Variants in ACBD3 observed in about 807,000 individuals in gnomAD.
The protein encoded by ACBD3 is Golgi resident protein GCP60.
ACBD3 carries 30 observed loss-of-function variants against 66.9 expected under a neutral mutation model. That is an observed-to-expected ratio of 0.45 (90% confidence interval 0.34 to 0.61). ACBD3 has a LOEUF of 0.61. Ranked by LOEUF, ACBD3 falls within the 20% of genes least tolerant of loss-of-function variation. The pLI is 0.02. For synonymous variants in ACBD3, 278 were observed against 259.8 expected, an observed-to-expected ratio of 1.07 and a Z score of -0.68; for missense variants, 544 against 664.5, an observed-to-expected ratio of 0.82 and a Z score of 1.99.
At chr1:226,150,021 A>G (rs551411737) in intron 7 of ACBD3, among the ~76,000 whole-genome samples, 2 of 151,526 alleles carry the variant, frequency 1.3e-5, no homozygotes, top group African/African-American at 4.8e-5. Context: ...AATCTGCTAC[A>G]GTCCTGCTCT....
In ACBD3 at chr1:226,186,693, C is replaced by T. The variant is rs958944117; in HGVS notation, c.-18G>A. The T allele has an allele frequency of 1.3e-5, 19 of 1,476,216 alleles. No homozygotes were observed. Among genetic ancestry groups the T allele is most frequent in the Non-Finnish European group, 1.6e-5 (18 of 1,118,986 alleles). The allele number at this position is 1,476,216 out of a possible 1,614,324, so 91.4% of individuals were successfully genotyped here. On this transcript the variant is annotated 5_prime_UTR_variant, in exon 1 of 8. Transcript: ENST00000366812. ...GCCGCCATCTCCGGCTGCTGCACCTCCTCAGCGGGGACAGACGGCAGCCAC... is the reference window on the plus strand; with the variant it reads ...GCCGCCATCTCCGGCTGCTGCACCTTCTCAGCGGGGACAGACGGCAGCCAC...
rs573016015 is a variant in ACBD3, at chr1:226,157,278, T to G, written c.903+1906A>C. Among the ~76,000 whole-genome samples, 27 of 152,114 alleles carry G rather than the reference T, an allele frequency of 1.8e-4. No individual in the cohort carries two copies. The South Asian group carries it at 2.1e-3, about 12-fold the overall frequency. The stretch of plus-strand genomic sequence containing the variant: ...TTTTGAGACGGAGTTTCTCTTTTGT[T>G]GCCCAGGCTGGAGTGCAATGGCACA... On this transcript the variant is annotated intron_variant, in intron 5 of 7. Coordinates refer to ENST00000366812, the MANE Select transcript of ACBD3 (RefSeq NM_022735.4).
chr1:226,172,221 C>A (rs1239006518), intron 1 of ACBD3, among the ~76,000 whole-genome samples: 1 of 148,708 alleles, frequency 6.7e-6, no homozygotes, highest in Admixed American at 6.7e-5. Flanking sequence ...GATTCGCTGA[C>A]CTCTGTGAAC....
chr1:226,160,965 C>T lies in ACBD3; in HGVS notation c.728+566G>A, dbSNP rs576477871. Among the ~76,000 whole-genome samples, 3 of 152,294 alleles carry T rather than the reference C, an allele frequency of 2.0e-5. No homozygotes were observed. In the South Asian group the frequency reaches 6.2e-4, roughly 32 times the overall value. Reference sequence around the variant, plus strand: ...GCATGGAAACATAGACCAAATAAATCCTCGGACAGCCTTGCATATGCCAAA... The same window carrying T: ...GCATGGAAACATAGACCAAATAAATTCTCGGACAGCCTTGCATATGCCAAA... On this transcript the variant is annotated intron_variant, in intron 4 of 7. Coordinates refer to ENST00000366812, the MANE Select transcript of ACBD3 (RefSeq NM_022735.4).
At chr1:226,149,527 A>ATTTTTTTTTTT (rs1558122597) in intron 7 of ACBD3, among the ~76,000 whole-genome samples, 5 of 34,180 alleles carry the variant, frequency 1.5e-4, no homozygotes, top group Admixed American at 3.9e-4. Flanking sequence ...GCGCCCAGCC[A>ATTTTTTTTTTT]TCTTTTTTTT....
At chr1:226,149,741 C>T (rs927059786) in intron 7 of ACBD3, among the ~76,000 whole-genome samples, 4 of 151,426 alleles carry the variant, frequency 2.6e-5, no homozygotes, top group African/African-American at 9.7e-5. Context: ...AGGGTTTCAT[C>T]ATGTTGCCCA....
chr1:226,145,927 T>C lies in ACBD3; in HGVS notation c.*683A>G, dbSNP rs1305845473. The C allele has an allele frequency of 6.6e-6, 1 of 152,440 alleles. No individual in the cohort carries two copies. The highest frequency in any genetic ancestry group is 1.5e-5 in the Non-Finnish European group (1 of 68,034). 9.4% of individuals were successfully genotyped at this position (152,440 alleles called of 1,614,324 possible). A position where few individuals can be genotyped will look rare whatever the true frequency, so the allele number is the denominator to read the frequency against. ...TACAAGGATTCAAAGTTTGTGGAAG[T>C]TCCTGAAGAAAAATCTCTGAGGTGT... On this transcript the variant is annotated 3_prime_UTR_variant, in exon 8 of 8. Coordinates refer to ENST00000366812, the MANE Select transcript of ACBD3 (RefSeq NM_022735.4).
intron 1 of ACBD3, among the ~76,000 whole-genome samples, chr1:226,181,075 G>C (rs1656160983): frequency 6.6e-6 from 1 of 151,508 alleles, no homozygotes; most frequent in African/African-American, 2.4e-5. Context: ...TTTTGGTTCA[G>C]CTCAAATTTA....
chr1:226,185,257 T>C (rs1474988271), intron 1 of ACBD3, among the ~76,000 whole-genome samples: 1 of 152,196 alleles, frequency 6.6e-6, no homozygotes, highest in Non-Finnish European at 1.5e-5. Flanking sequence ...TCATTGAATG[T>C]GAAATGATCA....
At chr1:226,147,963 C>T (rs894868808) in intron 7 of ACBD3, 5 of 152,144 alleles carry the variant, frequency 3.3e-5, no homozygotes, top group African/African-American at 1.2e-4. Context: ...GTTTAAGAGA[C>T]TGGGACTACA....
chr1:226,146,462 T>C lies in ACBD3; in HGVS notation c.*148A>G, dbSNP rs999058928. 1 of 690,568 alleles carries C rather than the reference T, an allele frequency of 1.4e-6. No homozygotes were observed. The highest frequency in any genetic ancestry group is 2.4e-6 in the Non-Finnish European group (1 of 419,510). 42.8% of individuals were successfully genotyped at this position (690,568 alleles called of 1,614,324 possible). On this transcript the variant is annotated 3_prime_UTR_variant, in exon 8 of 8. Coordinates refer to ENST00000366812, the MANE Select transcript of ACBD3 (RefSeq NM_022735.4). ...GAATGCTAAAGAGTCTCAAGGAAATTTTGATTCCCAGCAAGAGTTCACAAA... is the reference window on the plus strand; with the variant it reads ...GAATGCTAAAGAGTCTCAAGGAAATCTTGATTCCCAGCAAGAGTTCACAAA...
chr1:226,161,792 G>T, intron 3 of ACBD3, 103 bp from the exon 4 acceptor site: 1 of 1,337,670 alleles, frequency 7.5e-7, no homozygotes, highest in South Asian at 1.6e-5. Context: ...AGAGAACAAT[G>T]TGGATATATA....
chr1:226,168,080 C>T (rs1279123347), intron 1 of ACBD3, among the ~76,000 whole-genome samples: 1 of 152,106 alleles, frequency 6.6e-6, no homozygotes, highest in Non-Finnish European at 1.5e-5. Flanking sequence ...TTGAACCCTA[C>T]ATATATTATG....
At chr1:226,178,310 C>T (rs942009598) in intron 1 of ACBD3, among the ~76,000 whole-genome samples, 2 of 151,942 alleles carry the variant, frequency 1.3e-5, no homozygotes, top group Non-Finnish European at 2.9e-5. Flanking sequence ...GTGGCTCACA[C>T]CTGTAATCCC....
At chr1:226,162,850 G>A (rs953501928) in intron 3 of ACBD3, among the ~76,000 whole-genome samples, 2 of 150,334 alleles carry the variant, frequency 1.3e-5, no homozygotes. Context: ...AGACTGGAGT[G>A]CAGTGGCACA....
chr1:226,147,540 A>G (rs1274799394), intron 7 of ACBD3, among the ~76,000 whole-genome samples: 2 of 152,328 alleles, frequency 1.3e-5, no homozygotes, highest in Middle Eastern at 3.4e-3. Context: ...CTTCTGACCA[A>G]TATGAGTCCT....
intron 5 of ACBD3, 125 bp downstream of exon 5, chr1:226,159,059 A>G: frequency 2.7e-6 from 3 of 1,109,878 alleles, no homozygotes; most frequent in Admixed American, 2.3e-5. Context: ...AGATCACCCA[A>G]AAGTTACTTT....
At chr1:226,156,687 A>G (rs527520736) in intron 5 of ACBD3, among the ~76,000 whole-genome samples, 1 of 152,352 alleles carries the variant, frequency 6.6e-6, no homozygotes, top group Admixed American at 6.5e-5. Context: ...TAATAACACA[A>G]TTAAGATTTT....
intron 3 of ACBD3, among the ~76,000 whole-genome samples, chr1:226,162,476 T>C (rs1335183827): frequency 1.3e-5 from 2 of 152,188 alleles, no homozygotes; most frequent in Non-Finnish European, 2.9e-5. Context: ...TTTGTAAAGC[T>C]TTTAATTTAA....
Sources: gnomAD v4.1 joint callset for allele counts (sites outside exome capture counted in the v4.1 genomes callset) on GRCh38, gnomAD v4.1.1 for gene constraint, MANE v1.5 for transcripts, NCBI Gene and HGNC (gene_info 2026-07-23, HGNC 2026-07-21) for gene names.